The following ELP4 variants were observed in gnomAD, a reference collection of about 807,000 sequenced individuals.
ELP4 encodes elongator complex protein 4.
Under a neutral mutation model 48.9 loss-of-function variants are expected in ELP4, and 51 were observed. That is an observed-to-expected ratio of 1.04 (90% CI 0.83 to 1.32). ELP4 has a LOEUF of 1.32. Ranked by LOEUF, ELP4 falls within the 40% of genes most tolerant of loss-of-function variation. The pLI is 0.00. For missense variants in ELP4, 519 were observed against 514.6 expected, an observed-to-expected ratio of 1.01 and a Z score of -0.08; for synonymous variants, 210 against 189.2, an observed-to-expected ratio of 1.11 and a Z score of -0.90.
intron 9 of ELP4, among the ~76,000 whole-genome samples, chr11:31,738,077 A>G (rs1947358851): frequency 6.6e-6 from 1 of 152,008 alleles, no homozygotes; most frequent in Non-Finnish European, 1.5e-5. Flanking sequence ...TATATGTATA[A>G]TGAAATATTA....
intron 3 of ELP4, among the ~76,000 whole-genome samples, chr11:31,555,923 A>G (rs983951869): frequency 6.6e-6 from 1 of 151,920 alleles, no homozygotes; most frequent in African/African-American, 2.4e-5. Context: ...GTGTAGGGGG[A>G]AAATGCTGTA....
chr11:31,790,097 CAAAAAAAAAAAAA>C lies in ELP4; in HGVS notation c.*6584_*6596del. 2.1e-5 allele frequency: 3 copies of C among 144,186 alleles called. No individual in the cohort carries two copies. Among genetic ancestry groups the C allele is most frequent in the Non-Finnish European group, 3.8e-5 (3 of 79,998 alleles). The allele number at this position is 144,186 out of a possible 1,614,324, so 8.9% of individuals were successfully genotyped here. On this transcript the variant is annotated 3_prime_UTR_variant, in exon 10 of 10. Transcript: ENST00000640961. ...CATGGAATACAAATTTATAGGTTTA[CAAAAAAAAAAAAA>C]AAAAAAAAAACTAATACTTTCTAAC...
chr11:31,667,086 T>C (rs972552479), intron 9 of ELP4, among the ~76,000 whole-genome samples: 2 of 152,206 alleles, frequency 1.3e-5, no homozygotes, highest in Admixed American at 6.5e-5. Context: ...TACTTTATCA[T>C]AGACCACATA....
Position 31,591,606 on chromosome 11 carries a change from C to T in ELP4, c.382-3164C>T, listed in dbSNP as rs1957577906. ...TTAAAAATAATAATAATAATAACAA[C>T]AATTGGTTGCTAAGAATATAGAATA... On this transcript the variant is annotated intron_variant, in intron 3 of 9. Transcript: ENST00000640961. Among the ~76,000 whole-genome samples, 3 of 151,986 alleles carry T rather than the reference C, an allele frequency of 2.0e-5. No homozygotes were observed. In the South Asian group the frequency reaches 6.2e-4, roughly 31 times the overall value.
At chr11:31,769,377 A>G (rs976837524) in intron 9 of ELP4, among the ~76,000 whole-genome samples, 11 of 152,200 alleles carry the variant, frequency 7.2e-5, no homozygotes, top group African/African-American at 2.7e-4. Flanking sequence ...GTTAGACACA[A>G]ATATATATGA....
chr11:31,519,791 C>T (rs1956182187), intron 1 of ELP4, among the ~76,000 whole-genome samples: 1 of 150,028 alleles, frequency 6.7e-6, no homozygotes, highest in African/African-American at 2.5e-5. Flanking sequence ...GATTGTGCCA[C>T]TGCACTCCAG....
chr11:31,601,345 AAGATT>A (rs1957777800), intron 4 of ELP4, among the ~76,000 whole-genome samples: 1 of 152,100 alleles, frequency 6.6e-6, no homozygotes, highest in Non-Finnish European at 1.5e-5. Context: ...GTTAATTGAA[AAGATT>A]AAAGTTTTTC....
At chr11:31,608,789 G>A (rs1461619305) in intron 5 of ELP4, among the ~76,000 whole-genome samples, 21 of 152,140 alleles carry the variant, frequency 1.4e-4, no homozygotes, top group Admixed American at 1.2e-3. Context: ...ATTCAGTAGC[G>A]TGTCGATGTG....
intron 2 of ELP4, among the ~76,000 whole-genome samples, chr11:31,526,206 G>A (rs778171864): frequency 1.3e-5 from 2 of 152,048 alleles, no homozygotes; most frequent in Non-Finnish European, 2.9e-5. Flanking sequence ...ACTTGCCCAA[G>A]ATCACATATA....
chr11:31,626,948 G>A (rs1944757863), intron 5 of ELP4, among the ~76,000 whole-genome samples, 162 bp from the exon 6 acceptor site: 1 of 151,772 alleles, frequency 6.6e-6, no homozygotes, highest in South Asian at 2.1e-4. Flanking sequence ...TTCCCTGTAT[G>A]TATTGACTTT....
chr11:31,531,267 A>G (rs1230351341), intron 2 of ELP4, among the ~76,000 whole-genome samples: 1 of 152,208 alleles, frequency 6.6e-6, no homozygotes, highest in Admixed American at 6.5e-5. Context: ...ATAAGACAAG[A>G]TCGATTTTTG....
intron 9 of ELP4, chr11:31,707,016 A>G (rs141111851): frequency 4.5e-4 from 178 of 398,326 alleles, no homozygotes; most frequent in Non-Finnish European, 6.7e-4. Context: ...TATCTTAGCT[A>G]TCGTGAATAG....
intron 9 of ELP4, among the ~76,000 whole-genome samples, chr11:31,703,152 C>G (rs1946562240): frequency 6.6e-6 from 1 of 152,130 alleles, no homozygotes; most frequent in Non-Finnish European, 1.5e-5. Context: ...TGCAGAGGAT[C>G]CAGTGACTAC....
intron 9 of ELP4, among the ~76,000 whole-genome samples, chr11:31,782,905 C>T (rs1312307446): frequency 6.6e-6 from 1 of 152,096 alleles, no homozygotes; most frequent in African/African-American, 2.4e-5. Context: ...GAAAAAGAAT[C>T]GTCAGGTCAA....
chr11:31,783,433 G>A lies in ELP4; in HGVS notation c.1184G>A (p.Arg395His), dbSNP rs200155061. ...CCAGACTTGTCAGACACAGTGAGCC[G>A]CTCAAGCAAAATGGATCTGGCAGAA... The part of the protein sequence containing the change: ...LPPDLSDTVS[R>H]SSKMDLAESA... The change falls in exon 10 of 10, where the codon CGC (arginine) becomes CAC (histidine). Residue 395 changes from arginine (R) to histidine (H), a missense_variant. Physicochemically the swap from Arg to His is conservative, Grantham distance 29. Coordinates refer to ENST00000640961, the MANE Select transcript of ELP4 (RefSeq NM_019040.5). 2.5e-4 allele frequency: 399 copies of A among 1,613,878 alleles called. No individual in the cohort carries two copies. Among genetic ancestry groups the A allele is most frequent in the East Asian group, 3.6e-4 (16 of 44,888 alleles).
intron 9 of ELP4, among the ~76,000 whole-genome samples, chr11:31,701,005 A>G (rs927799238): frequency 6.6e-6 from 1 of 152,058 alleles, no homozygotes; most frequent in Non-Finnish European, 1.5e-5. Context: ...TACAAGGTTA[A>G]AATACCCTTG....
intron 9 of ELP4, among the ~76,000 whole-genome samples, chr11:31,695,586 A>C (rs1946384886): frequency 6.6e-6 from 1 of 150,864 alleles, no homozygotes; most frequent in African/African-American, 2.4e-5. Flanking sequence ...ATTTCTGCAT[A>C]GATGTTCATC....
chr11:31,648,528 T>C (rs1945253695), intron 8 of ELP4: 1 of 151,464 alleles, frequency 6.6e-6, no homozygotes. Flanking sequence ...ATTTAGGTCT[T>C]AGTAATATAG....
In ELP4 at chr11:31,789,908, T is replaced by G; in HGVS notation, c.*6384T>G. 6.6e-7 allele frequency: 1 copy of G among 1,515,668 alleles called. No individual in the cohort carries two copies. Among genetic ancestry groups the G allele is most frequent in the Non-Finnish European group, 9.0e-7 (1 of 1,109,946 alleles). The allele number at this position is 1,515,668 out of a possible 1,614,324, so 93.9% of individuals were successfully genotyped here. ...CTGACTGAATTAACACAATATTTCC[T>G]TTCCTTTTTTTTTTTTTTTTTTTTT... On this transcript the variant is annotated 3_prime_UTR_variant, in exon 10 of 10. Transcript: ENST00000640961.
Sources: gnomAD v4.1 joint callset for allele counts (sites outside exome capture counted in the v4.1 genomes callset) on GRCh38, gnomAD v4.1.1 for gene constraint, MANE v1.5 for transcripts, NCBI Gene and HGNC (gene_info 2026-07-23, HGNC 2026-07-21) for gene names.